Variants in NKAIN2 observed in about 807,000 individuals in gnomAD.
NKAIN2 encodes sodium/potassium transporting ATPase interacting 2, also known as sodium/potassium-transporting ATPase subunit beta-1-interacting protein 2.
Under a neutral mutation model 32.6 loss-of-function variants are expected in NKAIN2, and 14 were observed. That is an observed-to-expected ratio of 0.43 (90% CI 0.28 to 0.67). The LOEUF is 0.67. Ranked by LOEUF, NKAIN2 falls within the 30% of genes least tolerant of loss-of-function variation. NKAIN2 has a pLI of 0.17. For missense variants in NKAIN2, 198 were observed against 258.3 expected (o/e 0.77, Z 1.60); for synonymous variants, 80 against 87.2 (o/e 0.92, Z 0.46).
intron 1 of NKAIN2, among the ~76,000 whole-genome samples, chr6:124,107,538 G>T (rs1309068135): frequency 2.0e-5 from 3 of 151,986 alleles, no homozygotes; most frequent in Non-Finnish European, 2.9e-5. Context: ...ATATATTATG[G>T]TTTAAAAAAG....
rs546022101 is a variant in NKAIN2 at position 124,136,283 on chromosome 6, G to A, written c.55-146722G>A. Among the ~76,000 whole-genome samples the A allele has an allele frequency of 8.5e-5, 13 of 152,102 alleles. No homozygotes were observed. The South Asian group carries it at 2.7e-3, about 32-fold the overall frequency. ...ATCTTGAGGAGATGGATAAGTTCCT[G>A]GAAATATACAACCCTCCCAGATTAA... On this transcript the variant is annotated intron_variant, in intron 1 of 6. Transcript: ENST00000368417.
At chr6:124,136,214 A>G (rs1786776878) in intron 1 of NKAIN2, among the ~76,000 whole-genome samples, 1 of 152,182 alleles carries the variant, frequency 6.6e-6, no homozygotes, top group Non-Finnish European at 1.5e-5. Context: ...CCACAGAAAT[A>G]CAAAATATCA....
chr6:124,309,728 T>G lies in NKAIN2; in HGVS notation c.192+26586T>G, dbSNP rs1450444101. On this transcript the variant is annotated intron_variant, in intron 2 of 6. Transcript: ENST00000368417. ...ATTTTGACAATGTGATCCTGTAGAT[T>G]CATTTCAGTCACAACAGTCTGTCAG... 2.6e-5 allele frequency among the ~76,000 whole-genome samples: 4 copies of G among 152,284 alleles called. No individual in the cohort carries two copies. The East Asian group carries it at 5.8e-4, about 22-fold the overall frequency.
At chr6:124,488,242 T>C (rs183508471) in intron 3 of NKAIN2, among the ~76,000 whole-genome samples, 1 of 152,224 alleles carries the variant, frequency 6.6e-6, no homozygotes, top group East Asian at 1.9e-4. Flanking sequence ...AAATGTACAC[T>C]GTTAGTTTGT....
intron 1 of NKAIN2, among the ~76,000 whole-genome samples, chr6:124,247,277 C>G (rs1424525096): frequency 6.6e-6 from 1 of 152,048 alleles, no homozygotes; most frequent in Non-Finnish European, 1.5e-5. Flanking sequence ...GATGAAAGTT[C>G]AAAACTCTCT....
At chr6:124,352,047 A>C (rs1798758597) in intron 2 of NKAIN2, among the ~76,000 whole-genome samples, 1 of 152,188 alleles carries the variant, frequency 6.6e-6, no homozygotes, top group Admixed American at 6.5e-5. Context: ...TTCCCATACA[A>C]GCCATGGAGT....
chr6:124,308,130 C>T (rs1422108430), intron 2 of NKAIN2, among the ~76,000 whole-genome samples: 1 of 152,058 alleles, frequency 6.6e-6, no homozygotes, highest in East Asian at 1.9e-4. Context: ...TTCTAATGCT[C>T]TCCCTCCCTT....
chr6:124,236,739 G>A (rs963706426), intron 1 of NKAIN2, among the ~76,000 whole-genome samples: 1 of 152,042 alleles, frequency 6.6e-6, no homozygotes, highest in Admixed American at 6.6e-5. Context: ...AACTCGGATG[G>A]TGGTAAACAT....
In NKAIN2 at chr6:123,804,228, C is replaced by T. The variant is rs1773119156; in HGVS notation, c.28C>T (p.Leu10Phe). The T allele has an allele frequency of 6.2e-7, 1 of 1,613,866 alleles. No individual in the cohort carries two copies. Among genetic ancestry groups the T allele is most frequent in the African/African-American group, 1.3e-5 (1 of 74,882 alleles). MGYCSGRCT[L>F]IFICGMQLVC... ...GGGTTATTGCAGTGGCAGGTGCACG[C>T]TTATCTTTATCTGTGGCATGCAACT... is the stretch of plus-strand genomic sequence containing the variant. Residue 10 changes from leucine (L) to phenylalanine (F), a missense_variant, in exon 1 of 7, where the codon CTT (leucine) becomes TTT (phenylalanine). By Grantham distance (22) the Leu-to-Phe change is conservative. Transcript: ENST00000368417.
chr6:124,545,613 A>G (rs1274039606), intron 3 of NKAIN2, among the ~76,000 whole-genome samples: 2 of 151,670 alleles, frequency 1.3e-5, no homozygotes, highest in Non-Finnish European at 2.9e-5. Context: ...AAAATAAATA[A>G]TGCAGAAAGA....
chr6:124,689,584 T>C (rs143889264), intron 4 of NKAIN2, among the ~76,000 whole-genome samples: 1,600 of 152,234 alleles, frequency 0.011, 14 homozygotes, highest in Non-Finnish European at 0.014. Flanking sequence ...AGAAGCTTTA[T>C]AGTTTTGCAT....
chr6:124,280,506 C>G (rs74433145), intron 1 of NKAIN2, among the ~76,000 whole-genome samples: 12,049 of 152,198 alleles, frequency 0.079, 616 homozygotes, highest in East Asian at 0.18. Context: ...AAGATAATCA[C>G]TTAGCACACC....
intron 5 of NKAIN2, among the ~76,000 whole-genome samples, chr6:124,813,124 A>C (rs148747434): frequency 1.3e-5 from 2 of 152,282 alleles, no homozygotes; most frequent in African/African-American, 4.8e-5. Context: ...GGTGTCCTGC[A>C]TAAATTATCA....
At chr6:124,598,451 G>A (rs1008016775) in intron 3 of NKAIN2, among the ~76,000 whole-genome samples, 8 of 152,084 alleles carry the variant, frequency 5.3e-5, no homozygotes, top group Non-Finnish European at 1.2e-4. Flanking sequence ...CCCTCATACT[G>A]TGATATATGG....
At chr6:123,910,160 T>G (rs1341606199) in intron 1 of NKAIN2, among the ~76,000 whole-genome samples, 3 of 152,180 alleles carry the variant, frequency 2.0e-5, no homozygotes, top group African/African-American at 4.8e-5. Context: ...CAAATAATTA[T>G]CTTTCTGCAT....
intron 2 of NKAIN2, among the ~76,000 whole-genome samples, chr6:124,341,335 C>A (rs1798104664): frequency 6.6e-6 from 1 of 151,944 alleles, no homozygotes; most frequent in Non-Finnish European, 1.5e-5. Context: ...TGAAAAAAAT[C>A]AGGTAACAGA....
chr6:123,815,178 CA>C (rs1773640853), intron 1 of NKAIN2, among the ~76,000 whole-genome samples: 1 of 152,104 alleles, frequency 6.6e-6, no homozygotes, highest in Non-Finnish European at 1.5e-5. Flanking sequence ...GTTTAAATTG[CA>C]ACCTGTTCTT....
chr6:124,447,166 C>A (rs1297926329), intron 3 of NKAIN2, among the ~76,000 whole-genome samples: 1 of 152,022 alleles, frequency 6.6e-6, no homozygotes, highest in Non-Finnish European at 1.5e-5. Context: ...TGACGTATTT[C>A]CTTTTGGGTA....
At chr6:124,712,628 T>C (rs1346916147) in intron 4 of NKAIN2, among the ~76,000 whole-genome samples, 1 of 150,602 alleles carries the variant, frequency 6.6e-6, no homozygotes, top group Non-Finnish European at 1.5e-5. Flanking sequence ...GGGAACTCCC[T>C]GACCCCTTGC....
Sources: allele counts gnomAD v4.1 joint callset (sites outside exome capture counted in the v4.1 genomes callset), GRCh38; gene constraint gnomAD v4.1.1; transcripts MANE v1.5; gene names NCBI Gene and HGNC (gene_info 2026-07-23, HGNC 2026-07-21).